Variants in FLNC observed in about 807,000 individuals in gnomAD.
FLNC encodes the protein filamin C, also known as filamin-C.
FLNC carries 91 observed loss-of-function variants against 254.3 expected under a neutral mutation model. The ratio of observed to expected loss-of-function variants is 0.36; its 90% CI spans 0.30 to 0.43. The LOEUF (loss-of-function observed/expected upper bound fraction) is 0.43, where lower values mean the gene tolerates loss of function less well. FLNC is among the 20% of genes least tolerant of loss of function. FLNC has a pLI of 1.00. For synonymous variants in FLNC, 1,430 were observed against 1,577.2 expected, an observed-to-expected ratio of 0.91 and a Z score of 2.21; for missense variants, 2,853 against 3,802.6, an observed-to-expected ratio of 0.75 and a Z score of 6.57.
rs1219881386 is a variant in FLNC, at chr7:128,850,807, G to A, written c.5403G>A (p.Glu1801=). ...GTAACTGTGTCTGCCCTGCAGGAGAGGTGCGGATGCCCTCGGGGAAGACGG... is the reference window on the plus strand; with the variant it reads ...GTAACTGTGTCTGCCCTGCAGGAGAAGTGCGGATGCCCTCGGGGAAGACGG... ...FAVQKGELTG[E]VRMPSGKTAR... Residue 1801 remains glutamate, a synonymous_variant, in exon 33 of 48, where the codon GAG becomes GAA. Coordinates refer to ENST00000325888, the MANE Select transcript of FLNC (RefSeq NM_001458.5). 1 of 1,613,778 alleles carries A rather than the reference G, an allele frequency of 6.2e-7. No homozygotes were observed.
In FLNC at chr7:128,837,201, G is replaced by T; in HGVS notation, c.643G>T (p.Val215Leu). Residue 215 changes from valine (V) to leucine (L), a missense_variant, in exon 3 of 48, where the codon GTG becomes TTG. Val to Leu is a conservative substitution (Grantham distance 32). Transcript: ENST00000325888. ...DWEAWDPNQP[V>L]ENAREAMQQA... ...GGAGGCCTGGGACCCCAACCAGCCCGTGGAGAACGCCCGGGAGGCCATGCA... is the reference window on the plus strand; with the variant it reads ...GGAGGCCTGGGACCCCAACCAGCCCTTGGAGAACGCCCGGGAGGCCATGCA... The T allele has an allele frequency of 6.2e-7, 1 of 1,603,872 alleles. No homozygotes were observed.
In FLNC at chr7:128,852,659, G is replaced by A; in HGVS notation, c.5911G>A (p.Glu1971Lys). Residue 1971 changes from glutamate (E) to lysine (K), a missense_variant, in exon 36 of 48, where the codon GAG becomes AAG. Glu to Lys is a moderately conservative substitution (Grantham distance 56). Transcript: ENST00000325888. The part of the protein sequence containing the change: ...TSTDVSLKIT[E>K]SDLSQLTASI... Reference sequence around the variant, plus strand: ...CACGGACGTGTCACTGAAGATCACCGAGAGTGATCTGAGCCAGCTGACCGC... The same window carrying A: ...CACGGACGTGTCACTGAAGATCACCAAGAGTGATCTGAGCCAGCTGACCGC... 2 of 1,613,198 alleles carry A rather than the reference G, an allele frequency of 1.2e-6. No individual in the cohort carries two copies. Among genetic ancestry groups the A allele is most frequent in the South Asian group, 1.1e-5 (1 of 91,078 alleles).
chr7:128,851,669 CA>C, intron 35 of FLNC, 41 bp downstream of exon 35: 1 of 1,601,790 alleles, frequency 6.2e-7, no homozygotes, highest in Non-Finnish European at 8.6e-7. Flanking sequence ...ATGAGGCACA[CA>C]CACCGCATAC....
At position 128,830,517 on chromosome 7, in the gene FLNC, A is replaced by T; in HGVS notation, c.-121A>T. 1.2e-6 allele frequency: 1 copy of T among 823,138 alleles called. No individual in the cohort carries two copies. The highest frequency in any genetic ancestry group is 1.9e-6 in the Non-Finnish European group (1 of 520,742). The allele number at this position is 823,138 out of a possible 1,614,324, so 51.0% of individuals were successfully genotyped here. A position where few individuals can be genotyped will look rare whatever the true frequency, so the allele number is the denominator to read the frequency against. On this transcript the variant is annotated 5_prime_UTR_variant, in exon 1 of 48. The change creates a new upstream start codon in the 5' untranslated region. Coordinates refer to ENST00000325888, the MANE Select transcript of FLNC (RefSeq NM_001458.5). ...GCCCCGCCAGCCCCGGCGCGAGAGA[A>T]GTTGGAGAGGAGAGCAGCGCAGCGC...
In FLNC at chr7:128,840,130, G is replaced by A. The variant is rs189525930; in HGVS notation, c.1519G>A (p.Gly507Arg). ...FKVFTKGAGSGELKVTVKGPK... is the reference protein window; with the variant it reads ...FKVFTKGAGSRELKVTVKGPK... ...GGTGTTTACCAAGGGTGCCGGCAGCGGGGAGCTCAAGGTCACGGTCAAGGG... is the reference window on the plus strand; with the variant it reads ...GGTGTTTACCAAGGGTGCCGGCAGCAGGGAGCTCAAGGTCACGGTCAAGGG... Residue 507 changes from glycine to arginine, a missense_variant, in exon 9 of 48, where the codon GGG (glycine) becomes AGG (arginine). Gly to Arg is a moderately radical substitution (Grantham distance 125, BLOSUM62 -2). Around this residue, in one of 10 missense-constraint regions of FLNC, gnomAD observed 1,573 missense variants for 1,883.5 expected, o/e 0.84. Coordinates refer to ENST00000325888, the MANE Select transcript of FLNC (RefSeq NM_001458.5). 9.5e-4 allele frequency: 1,533 copies of A among 1,614,042 alleles called. 1 individual carries two copies. The highest frequency in any genetic ancestry group is 1.1e-3 in the Non-Finnish European group (1,354 of 1,180,034).
At position 128,836,160 on chromosome 7, in the gene FLNC, TG is replaced by T. The variant is rs1562991339; in HGVS notation, c.601+590del. ...CCGTGTAGGTCCTGGCCTGGTCAAGTGGGGACAGCTCAGGGGCCATGAAAAA... is the reference window on the plus strand; with the variant it reads ...CCGTGTAGGTCCTGGCCTGGTCAAGTGGGACAGCTCAGGGGCCATGAAAAA... On this transcript the variant is annotated intron_variant, in intron 2 of 47. Coordinates refer to ENST00000325888, the MANE Select transcript of FLNC (RefSeq NM_001458.5). This position sits in a 1 kb window ranked among gnomAD's most constrained non-coding sequence, Gnocchi z 6.0. 6.6e-6 allele frequency among the ~76,000 whole-genome samples: 1 copy of T among 151,862 alleles called. No homozygotes were observed. Among genetic ancestry groups the T allele is most frequent in the Non-Finnish European group, 1.5e-5 (1 of 67,924 alleles).
Position 128,847,725 on chromosome 7 carries a change from T to C in FLNC, c.4317T>C (p.Asp1439=). 2 of 1,614,060 alleles carry C rather than the reference T, an allele frequency of 1.2e-6. No homozygotes were observed. Among genetic ancestry groups the C allele is most frequent in the Non-Finnish European group, 1.7e-6 (2 of 1,179,968 alleles). The part of the protein sequence containing the change: ...PGSPFRVPVK[D]VVDPGKVKCS... ...GCCCGTTCCGCGTGCCAGTGAAGGA[T>C]GTGGTGGACCCTGGGAAGGTGAAGT... is the stretch of plus-strand genomic sequence containing the variant. Residue 1439 remains aspartate (D), a synonymous_variant, in exon 25 of 48, where the codon GAT becomes GAC. Transcript: ENST00000325888.
intron 37 of FLNC, 149 bp downstream of exon 37, chr7:128,853,180 G>T: frequency 1.2e-6 from 1 of 835,800 alleles, no homozygotes. Context: ...GGGGCCCCTT[G>T]CGGGAAAGTG....
At chr7:128,843,671 C>T in intron 18 of FLNC, 94 bp downstream of exon 18, 5 of 1,521,080 alleles carry the variant, frequency 3.3e-6, no homozygotes, top group Non-Finnish European at 4.6e-6. Context: ...CTGGATCCTC[C>T]ACGCCTTTCC....
intron 29 of FLNC, 62 bp downstream of exon 29, chr7:128,849,266 C>T: frequency 6.2e-7 from 1 of 1,614,030 alleles, no homozygotes; most frequent in Non-Finnish European, 8.5e-7. Context: ...AGGGGGCGGG[C>T]AGCGGGAACA....
Position 128,840,649 on chromosome 7 carries a change from T to TG in FLNC, c.1655dup (p.Gly553ArgfsTer10), listed in dbSNP as rs764261620. On this transcript the variant is annotated frameshift_variant, in exon 10 of 48. Coordinates refer to ENST00000325888, the MANE Select transcript of FLNC (RefSeq NM_001458.5). LOFTEE classifies it high-confidence loss of function. Reference sequence around the variant, plus strand: ...TGGGAAGTATGTGGTGACCATCACGTGGGGCGGCTACGCCATCCCTCGCAG... The same window carrying TG: ...TGGGAAGTATGTGGTGACCATCACGTGGGGGCGGCTACGCCATCCCTCGCAG... 1 of 1,614,104 alleles carries TG rather than the reference T, an allele frequency of 6.2e-7. No homozygotes were observed. The highest frequency in any genetic ancestry group is 1.7e-5 in the Admixed American group (1 of 60,016).
chr7:128,838,335 G>A lies in FLNC; in HGVS notation c.1116G>A (p.Leu372=), dbSNP rs1170062705. 6.2e-7 allele frequency: 1 copy of A among 1,614,132 alleles called. No individual in the cohort carries two copies. The highest frequency in any genetic ancestry group is 2.2e-5 in the East Asian group (1 of 44,890). ...SPFEVNVGMA[L]GDANKVSARG... ...TTGAGGTGAACGTGGGCATGGCCCTGGGAGATGCCAACAAGGTGTCAGCCC... is the reference window on the plus strand; with the variant it reads ...TTGAGGTGAACGTGGGCATGGCCCTAGGAGATGCCAACAAGGTGTCAGCCC... Residue 372 remains leucine (L), a synonymous_variant, in exon 7 of 48, where the codon CTG becomes CTA. Transcript: ENST00000325888.
At position 128,830,436 on chromosome 7, in the gene FLNC, G is replaced by A. The variant is rs1195247620; in HGVS notation, c.-202G>A. ...TCCCGAGCACCGCTCCGGCCCTGGA[G>A]GGAGAGAGAGCCAGAGAGCGGCCGA... On this transcript the variant is annotated 5_prime_UTR_variant, in exon 1 of 48. Coordinates refer to ENST00000325888, the MANE Select transcript of FLNC (RefSeq NM_001458.5). 3.3e-6 allele frequency: 2 copies of A among 598,846 alleles called. No individual in the cohort carries two copies. Among genetic ancestry groups the A allele is most frequent in the Admixed American group, 3.1e-5 (1 of 32,780 alleles). The allele number at this position is 598,846 out of a possible 1,614,324, so 37.1% of individuals were successfully genotyped here. A position where few individuals can be genotyped will look rare whatever the true frequency, so the allele number is the denominator to read the frequency against.
Position 128,830,847 on chromosome 7 carries a change from C to T in FLNC, c.210C>T (p.Leu70=). ...GCGACCTCAGCGACGGGCTCCGGCTCATCGCGCTGCTCGAGGTGCTCAGCC... is the reference window on the plus strand; with the variant it reads ...GCGACCTCAGCGACGGGCTCCGGCTTATCGCGCTGCTCGAGGTGCTCAGCC... ...LQRDLSDGLR[L]IALLEVLSQK... is the part of the protein sequence containing the mutation. The change falls in exon 1 of 48, where the codon CTC becomes CTT. Residue 70 remains leucine (L), a synonymous_variant. Coordinates refer to ENST00000325888, the MANE Select transcript of FLNC (RefSeq NM_001458.5). 6.2e-7 allele frequency: 1 copy of T among 1,613,128 alleles called. No individual in the cohort carries two copies. The highest frequency in any genetic ancestry group is 8.5e-7 in the Non-Finnish European group (1 of 1,179,968).
rs1808115071 is a variant in FLNC at position 128,836,959 on chromosome 7, G to T, written c.602-201G>T. ...CCAGGGCAGAAAGGCTTCATTGTTG[G>T]TGGTGGAGAGGGCTGTCCTGCTCCT... On this transcript the variant is annotated intron_variant, in intron 2 of 47. Transcript: ENST00000325888. The surrounding 1 kb of genome is among the most constrained non-coding windows in gnomAD (Gnocchi z 6.0). 6.6e-6 allele frequency among the ~76,000 whole-genome samples: 1 copy of T among 152,246 alleles called. No homozygotes were observed. The highest frequency in any genetic ancestry group is 1.5e-5 in the Non-Finnish European group (1 of 68,052).
At chr7:128,832,927 A>G (rs1994765) in intron 1 of FLNC, among the ~76,000 whole-genome samples, 50,668 of 152,054 alleles carry the variant, frequency 0.33, 12,098 homozygotes, top group African/African-American at 0.67. Flanking sequence ...TTAGTGGTGG[A>G]AAGGGGCTAT....
chr7:128,837,334 C>T lies in FLNC; in HGVS notation c.700-64C>T, dbSNP rs1808133736. ...TCTGTAAGTTTACCTGGCCAGGGTG[C>T]AGGGGGAGACTGGGGCTGCTGGGAA... On this transcript the variant is annotated intron_variant, in intron 3 of 47. Transcript: ENST00000325888. The T allele has an allele frequency of 1.9e-6, 3 of 1,611,656 alleles. No individual in the cohort carries two copies. In the African/African-American group the frequency reaches 4.0e-5, roughly 22 times the overall value.
In FLNC at chr7:128,830,697, G is replaced by A; in HGVS notation, c.60G>A (p.Glu20=). The A allele has an allele frequency of 1.9e-6, 3 of 1,612,900 alleles. No individual in the cohort carries two copies. Among genetic ancestry groups the A allele is most frequent in the Non-Finnish European group, 1.7e-6 (2 of 1,179,968 alleles). ...TCGGCCTGGGCGATGAGACAGACGA[G>A]ATGCCGTCCACGGAGAAGGACCTGG... is the stretch of plus-strand genomic sequence containing the variant. ...AGLGLGDETD[E]MPSTEKDLAE... The change falls in exon 1 of 48, where the codon GAG becomes GAA. Residue 20 remains glutamate, a synonymous_variant. Coordinates refer to ENST00000325888, the MANE Select transcript of FLNC (RefSeq NM_001458.5).
At position 128,842,740 on chromosome 7, in the gene FLNC, G is replaced by A; in HGVS notation, c.2389+42G>A. 2 of 1,593,290 alleles carry A rather than the reference G, an allele frequency of 1.3e-6. No homozygotes were observed. Among genetic ancestry groups the A allele is most frequent in the Middle Eastern group, 1.7e-4 (1 of 6,004 alleles). On this transcript the variant is annotated intron_variant, in intron 15 of 47. Transcript: ENST00000325888. This position sits in a 1 kb window ranked among gnomAD's most constrained non-coding sequence, Gnocchi z 5.4. ...GGGGTGGGTCTGGGAGGGGGCGGGG[G>A]TGAGTCGAGTCGGGGGCTGAGCCCA... is the stretch of plus-strand genomic sequence containing the variant.
Sources: allele counts gnomAD v4.1 joint callset (sites outside exome capture counted in the v4.1 genomes callset), GRCh38; gene constraint gnomAD v4.1.1; regional missense constraint gnomAD v4.1.1; non-coding constraint Gnocchi (gnomAD v3.1); transcripts MANE v1.5; gene names NCBI Gene and HGNC (gene_info 2026-07-23, HGNC 2026-07-21).